Variants in CHD8 observed in about 807,000 individuals in gnomAD.
The protein encoded by CHD8 is chromodomain helicase DNA binding protein 8.
In CHD8, 31 loss-of-function variants were observed where a neutral mutation model predicts 279.2. The observed-to-expected ratio is 0.11, with a 90% CI of 0.08 to 0.15. The LOEUF is 0.15. Ranked by LOEUF, CHD8 falls within the 10% of genes least tolerant of loss-of-function variation. CHD8 has a pLI of 1.00. For synonymous variants in CHD8, 1,081 were observed against 1,139.6 expected (o/e 0.95, Z 1.04); for missense variants, 2,146 against 3,230.5 (o/e 0.66, Z 8.14).
In CHD8 at chr14:21,415,914, AG is replaced by A. The variant is rs1566433992; in HGVS notation, c.1717-8del. On this transcript the variant is annotated splice_region_variant and splice_polypyrimidine_tract_variant and intron_variant, in intron 5 of 37. Coordinates refer to ENST00000646647, the MANE Select transcript of CHD8 (RefSeq NM_001170629.2). ...GGCGGTTTGAGCGTCTCTTCTGTAG[AG>A]CAAAAAGTAGTTAGAGTGACTAGTT... The A allele has an allele frequency of 6.2e-7, 1 of 1,606,968 alleles. No homozygotes were observed. Among genetic ancestry groups the A allele is most frequent in the Admixed American group, 1.7e-5 (1 of 58,582 alleles).
chr14:21,453,519 A>G (rs1890307591), intron 1 of CHD8, among the ~76,000 whole-genome samples: 1 of 151,984 alleles, frequency 6.6e-6, no homozygotes, highest in Non-Finnish European at 1.5e-5. Flanking sequence ...ATCAAATGCT[A>G]AAGGTAAAAT....
At chr14:21,445,688 CAAAAAA>C (rs747923350) in intron 1 of CHD8, among the ~76,000 whole-genome samples, 863 of 17,174 alleles carry the variant, frequency 0.05, 9 homozygotes, top group African/African-American at 0.16. Flanking sequence ...GATTCGGTCT[CAAAAAA>C]AAAAAAAAAA....
rs187857058 is a variant in CHD8, at chr14:21,403,928, G to A, written c.3308-265C>T. ...AGTCTGGCCAACATGGTGAAACCCCGTCTCTACTAACAATACAAAAATTAG... is the reference window on the plus strand; with the variant it reads ...AGTCTGGCCAACATGGTGAAACCCCATCTCTACTAACAATACAAAAATTAG... On this transcript the variant is annotated intron_variant, in intron 16 of 37. Transcript: ENST00000646647. This position sits in a 1 kb window ranked among gnomAD's most constrained non-coding sequence, Gnocchi z 4.3. 9.1e-4 allele frequency among the ~76,000 whole-genome samples: 138 copies of A among 152,074 alleles called. No homozygotes were observed. The highest frequency in any genetic ancestry group is 3.3e-3 in the African/African-American group (137 of 41,500).
intron 21 of CHD8, 112 bp from the exon 22 acceptor site, chr14:21,401,183 A>AT (rs1454016427): frequency 2.1e-6 from 2 of 932,336 alleles, no homozygotes; most frequent in Non-Finnish European, 3.1e-6. Flanking sequence ...ATACTCAGAG[A>AT]TTTTTTTAAA....
Position 21,456,120 on chromosome 14 carries a change from C to T in CHD8, c.-304G>A, listed in dbSNP as rs1890384555. On this transcript the variant is annotated 5_prime_UTR_variant, in exon 1 of 38. Transcript: ENST00000646647. ...CGCCTTCCGGCGGAGCATGGCCAGC[C>T]CTCGCCTCAATCTAGCTTGCTAGTA... 6.6e-6 allele frequency: 1 copy of T among 152,266 alleles called. No homozygotes were observed. Among genetic ancestry groups the T allele is most frequent in the Non-Finnish European group, 1.5e-5 (1 of 68,196 alleles). The allele number at this position is 152,266 out of a possible 1,614,324, so 9.4% of individuals were successfully genotyped here. A position where few individuals can be genotyped will look rare whatever the true frequency, so the allele number is the denominator to read the frequency against.
At chr14:21,398,070 T>G in intron 26 of CHD8, 118 bp from the exon 27 acceptor site, 2 of 946,454 alleles carry the variant, frequency 2.1e-6, no homozygotes, top group South Asian at 3.8e-5. Context: ...GAAAACAAAG[T>G]TAGAATGTTA....
At position 21,394,983 on chromosome 14, in the gene CHD8, C is replaced by G; in HGVS notation, c.5319G>C (p.Gly1773=). The change falls in exon 30 of 38, where the codon GGG becomes GGC. Residue 1773 remains glycine, a synonymous_variant. Transcript: ENST00000646647. ...EQMKIEAAER[G]DRRRRRCEAA... ...CTTCACAACGCCGCCTTCGCCGGTC[C>G]CCACGTTCTGCAGCCTCTATCTTCA... 1 of 1,614,036 alleles carries G rather than the reference C, an allele frequency of 6.2e-7. No homozygotes were observed. Among genetic ancestry groups the G allele is most frequent in the Non-Finnish European group, 8.5e-7 (1 of 1,179,900 alleles).
In CHD8 at chr14:21,408,139, C is replaced by CA. The variant is rs1291543375; in HGVS notation, c.2730+172dup. On this transcript the variant is annotated intron_variant, in intron 13 of 37. Transcript: ENST00000646647. The surrounding 1 kb of genome is among the most constrained non-coding windows in gnomAD (Gnocchi z 4.3). ...TACTAGGTAAAAAAAATAGCAAAGT[C>CA]AAAAAAATGCCCTGCACACTGCTAT... is the stretch of plus-strand genomic sequence containing the variant. Among the ~76,000 whole-genome samples, 9 of 151,964 alleles carry CA rather than the reference C, an allele frequency of 5.9e-5. No homozygotes were observed. Among genetic ancestry groups the CA allele is most frequent in the Non-Finnish European group, 1.2e-4 (8 of 67,974 alleles).
intron 1 of CHD8, among the ~76,000 whole-genome samples, chr14:21,450,059 G>A (rs1347587194): frequency 6.6e-6 from 1 of 152,116 alleles, no homozygotes; most frequent in Non-Finnish European, 1.5e-5. Context: ...GAAAAATACT[G>A]AGTAAAAGTT....
chr14:21,442,661 GAGGA>G, intron 1 of CHD8, among the ~76,000 whole-genome samples: 1 of 113,698 alleles, frequency 8.8e-6, no homozygotes, highest in African/African-American at 3.6e-5. Flanking sequence ...GAGGGGAGGA[GAGGA>G]GAGGGGAGGA....
At chr14:21,455,719 C>A (rs1415605428) in intron 1 of CHD8, among the ~76,000 whole-genome samples, 1 of 151,942 alleles carries the variant, frequency 6.6e-6, no homozygotes, top group Non-Finnish European at 1.5e-5. Flanking sequence ...GAGAACAAGG[C>A]GCCGCCTCCA....
rs1194011285 is a variant in CHD8 at position 21,431,630 on chromosome 14, A to T, written c.14T>A (p.Ile5Asn). 3.9e-6 allele frequency: 6 copies of T among 1,519,704 alleles called. No individual in the cohort carries two copies. The highest frequency in any genetic ancestry group is 5.3e-6 in the Non-Finnish European group (6 of 1,135,322). The allele number at this position is 1,519,704 out of a possible 1,614,324, so 94.1% of individuals were successfully genotyped here. The change falls in exon 2 of 38, where the codon ATC becomes AAC. Residue 5 changes from isoleucine to asparagine, a missense_variant. This residue lies in a region of CHD8 where 302 missense variants were observed against 325.5 expected (regional missense o/e 0.93). Transcript: ENST00000646647. MADP[I>N]MDLFDDPNLF... ...ATTTGGGTCATCGAACAGATCCATG[A>T]TGGGGTCTGCCATCTTGGGAAAGTA...
chr14:21,402,602 G>A lies in CHD8; in HGVS notation c.3715-99C>T. 1 of 1,130,602 alleles carries A rather than the reference G, an allele frequency of 8.8e-7. No homozygotes were observed. Among genetic ancestry groups the A allele is most frequent in the South Asian group, 1.7e-5 (1 of 59,994 alleles). The allele number at this position is 1,130,602 out of a possible 1,614,324, so 70.0% of individuals were successfully genotyped here. A position where few individuals can be genotyped will look rare whatever the true frequency, so the allele number is the denominator to read the frequency against. On this transcript the variant is annotated intron_variant, in intron 18 of 37. Coordinates refer to ENST00000646647, the MANE Select transcript of CHD8 (RefSeq NM_001170629.2). The surrounding 1 kb of genome is among the most constrained non-coding windows in gnomAD (Gnocchi z 4.5). ...AATTTATGATTCTTTCACCTCTATA[G>A]AGCAGCCATGAGATCAACTCAAAAC... is the stretch of plus-strand genomic sequence containing the variant.
At position 21,402,297 on chromosome 14, in the gene CHD8, G is replaced by C; in HGVS notation, c.3882+39C>G. 1 of 1,604,922 alleles carries C rather than the reference G, an allele frequency of 6.2e-7. No homozygotes were observed. Among genetic ancestry groups the C allele is most frequent in the Non-Finnish European group, 8.5e-7 (1 of 1,172,092 alleles). The stretch of plus-strand genomic sequence containing the variant: ...AGCTTTTGTTTCCCTCTATCACAAT[G>C]ATCTACTACAAACTTATCTATAAAC... On this transcript the variant is annotated intron_variant, in intron 19 of 37. Transcript: ENST00000646647. The surrounding 1 kb of genome is among the most constrained non-coding windows in gnomAD (Gnocchi z 4.5).
rs777201830 is a variant in CHD8, at chr14:21,400,118, G to C, written c.4727+33C>G. ...TGGCTCAGTAACACTGTAGAAGTTTGAGGTGGAAAATGTCTGCTAATTCTA... is the reference window on the plus strand; with the variant it reads ...TGGCTCAGTAACACTGTAGAAGTTTCAGGTGGAAAATGTCTGCTAATTCTA... On this transcript the variant is annotated intron_variant, in intron 24 of 37. Transcript: ENST00000646647. The surrounding 1 kb of genome is among the most constrained non-coding windows in gnomAD (Gnocchi z 4.2). 2 of 1,613,504 alleles carry C rather than the reference G, an allele frequency of 1.2e-6. No individual in the cohort carries two copies. Among genetic ancestry groups the C allele is most frequent in the Non-Finnish European group, 1.7e-6 (2 of 1,179,532 alleles).
chr14:21,436,414 C>A (rs918698703), intron 1 of CHD8, among the ~76,000 whole-genome samples: 2 of 152,190 alleles, frequency 1.3e-5, no homozygotes, highest in African/African-American at 2.4e-5. Flanking sequence ...TGAAGACATT[C>A]GTGAGACACG....
At chr14:21,401,546 C>CTTTTT in intron 20 of CHD8, 33 bp from the exon 21 acceptor site, 1 of 874,326 alleles carries the variant, frequency 1.1e-6, no homozygotes, top group Non-Finnish European at 1.7e-6. Flanking sequence ...GTAAAGCTGA[C>CTTTTT]TTTTTTTTTT....
chr14:21,455,906 A>G (rs943699054), intron 1 of CHD8, 126 bp downstream of exon 1: 38 of 153,496 alleles, frequency 2.5e-4, no homozygotes, highest in African/African-American at 8.9e-4. Flanking sequence ...GATCCCTCAC[A>G]ACTGGGGGGC....
chr14:21,395,173 A>G, intron 29 of CHD8, 54 bp from the exon 30 acceptor site: 1 of 1,565,182 alleles, frequency 6.4e-7, no homozygotes, highest in South Asian at 1.1e-5. Flanking sequence ...AGTAGAGGCA[A>G]TACTAGTATT....
Sources: allele counts gnomAD v4.1 joint callset (sites outside exome capture counted in the v4.1 genomes callset), GRCh38; gene constraint gnomAD v4.1.1; regional missense constraint gnomAD v4.1.1; non-coding constraint Gnocchi (gnomAD v3.1); transcripts MANE v1.5; gene names NCBI Gene and HGNC (gene_info 2026-07-23, HGNC 2026-07-21).